The following UNC5D variants were observed in gnomAD, a reference collection of about 807,000 sequenced individuals.
UNC5D encodes the protein unc-5 netrin receptor D, also known as netrin receptor UNC5D.
In UNC5D, 39 loss-of-function variants were observed where a neutral mutation model predicts 105.4. The ratio of observed to expected loss-of-function variants is 0.37; its 90% CI spans 0.29 to 0.48. The LOEUF is 0.48. Among genes scored for constraint, UNC5D ranks in the 20% least tolerant of loss-of-function variants. The pLI is 0.98. For synonymous variants in UNC5D, 452 were observed against 450.4 expected, an observed-to-expected ratio of 1.00 and a Z score of -0.04; for missense variants, 991 against 1,202.4, an observed-to-expected ratio of 0.82 and a Z score of 2.60.
intron 1 of UNC5D, among the ~76,000 whole-genome samples, chr8:35,436,939 T>C (rs1227507260): frequency 6.6e-6 from 1 of 152,116 alleles, no homozygotes; most frequent in Non-Finnish European, 1.5e-5. Context: ...ATATGTTTAA[T>C]AGCAATACTT....
intron 4 of UNC5D, among the ~76,000 whole-genome samples, chr8:35,632,988 C>T (rs999293057): frequency 6.6e-6 from 1 of 152,184 alleles, no homozygotes; most frequent in African/African-American, 2.4e-5. Flanking sequence ...CAGCTCCCTC[C>T]TACAGAAGAG....
intron 14 of UNC5D, among the ~76,000 whole-genome samples, chr8:35,764,340 G>C (rs915039557): frequency 2.6e-5 from 4 of 152,168 alleles, no homozygotes; most frequent in African/African-American, 9.7e-5. Flanking sequence ...TTCAGAGAGA[G>C]ATGGCAGTTG....
At position 35,796,529 on chromosome 8, in the gene UNC5D, C is replaced by A. The variant is rs955712710; in HGVS notation, c.*5966C>A. ...TATCAGTTATTTATGAATAAAGAGTCTTTTATTGACATTTTAGGATACTAC... is the reference window on the plus strand; with the variant it reads ...TATCAGTTATTTATGAATAAAGAGTATTTTATTGACATTTTAGGATACTAC... On this transcript the variant is annotated 3_prime_UTR_variant, in exon 17 of 17. Coordinates refer to ENST00000404895, the MANE Select transcript of UNC5D (RefSeq NM_080872.4). 6.7e-6 allele frequency: 1 copy of A among 149,986 alleles called. No homozygotes were observed. Among genetic ancestry groups the A allele is most frequent in the Non-Finnish European group, 1.5e-5 (1 of 67,766 alleles). The allele number at this position is 149,986 out of a possible 1,614,324, so 9.3% of individuals were successfully genotyped here.
At chr8:35,545,897 T>C (rs1440111849) in intron 1 of UNC5D, among the ~76,000 whole-genome samples, 1 of 152,034 alleles carries the variant, frequency 6.6e-6, no homozygotes, top group African/African-American at 2.4e-5. Context: ...CTTTTTTCTT[T>C]ATTTATTTTT....
intron 1 of UNC5D, among the ~76,000 whole-genome samples, chr8:35,355,434 C>G (rs117071011): frequency 0.022 from 3,343 of 152,154 alleles, 49 homozygotes; most frequent in Non-Finnish European, 0.035. Flanking sequence ...TCTTCATTTT[C>G]CCCCTAGCAG....
intron 4 of UNC5D, among the ~76,000 whole-genome samples, chr8:35,610,495 CTG>C (rs1250880892): frequency 2.6e-5 from 4 of 152,232 alleles, no homozygotes; most frequent in Admixed American, 2.6e-4. Flanking sequence ...AGCACTGAGA[CTG>C]TGGAATTTTT....
In UNC5D at chr8:35,458,442, AG is replaced by A. The variant is rs1489538816; in HGVS notation, c.104-90849del. Reference sequence around the variant, plus strand: ...AGTGCTCCCATTTCCTGAGGCCACTAGCACTGACTTGTTGGCCATGAGATTC... The same window carrying A: ...AGTGCTCCCATTTCCTGAGGCCACTACACTGACTTGTTGGCCATGAGATTC... On this transcript the variant is annotated intron_variant, in intron 1 of 16. Transcript: ENST00000404895. Among the ~76,000 whole-genome samples, 8 of 152,156 alleles carry A rather than the reference AG, an allele frequency of 5.3e-5. No homozygotes were observed. In the East Asian group the frequency reaches 1.4e-3, roughly 26 times the overall value.
intron 1 of UNC5D, among the ~76,000 whole-genome samples, chr8:35,239,853 G>A (rs1352290320): frequency 6.6e-6 from 1 of 152,072 alleles, no homozygotes; most frequent in African/African-American, 2.4e-5. Flanking sequence ...ATTCTATGTA[G>A]AGACACTTAT....
At chr8:35,330,676 A>C (rs1225907742) in intron 1 of UNC5D, among the ~76,000 whole-genome samples, 1 of 152,188 alleles carries the variant, frequency 6.6e-6, no homozygotes. Flanking sequence ...GGAAATCTGA[A>C]ATATACATAA....
intron 1 of UNC5D, among the ~76,000 whole-genome samples, chr8:35,367,983 G>A (rs72633596): frequency 1.3e-5 from 2 of 151,966 alleles, no homozygotes; most frequent in African/African-American, 4.8e-5. Context: ...CAGGTTTCTT[G>A]TAAAGTATGC....
intron 14 of UNC5D, among the ~76,000 whole-genome samples, chr8:35,765,385 C>G (rs891519678): frequency 1.3e-5 from 2 of 152,212 alleles, no homozygotes; most frequent in African/African-American, 2.4e-5. Context: ...CAGATGGTTT[C>G]CTGCCTATAG....
chr8:35,641,366 C>CAAAA (rs377021599), intron 4 of UNC5D, among the ~76,000 whole-genome samples: 13 of 44,284 alleles, frequency 2.9e-4, no homozygotes, highest in Non-Finnish European at 4.2e-4. Flanking sequence ...AAAAATAAAG[C>CAAAA]AAAAAAAAAA....
In UNC5D at chr8:35,568,250, A is replaced by C. The variant is rs201456969; in HGVS notation, c.466+9A>C. 3 of 1,612,958 alleles carry C rather than the reference A, an allele frequency of 1.9e-6. No individual in the cohort carries two copies. On this transcript the variant is annotated intron_variant, in intron 3 of 16. Coordinates refer to ENST00000404895, the MANE Select transcript of UNC5D (RefSeq NM_080872.4). ...CTCTGTGCGCATAGCCTGTAAGTAC[A>C]TTCTGGGTGACCTTGTCTTGTAGGA... is the stretch of plus-strand genomic sequence containing the variant.
At chr8:35,430,430 A>G (rs527474938) in intron 1 of UNC5D, among the ~76,000 whole-genome samples, 1 of 152,236 alleles carries the variant, frequency 6.6e-6, no homozygotes, top group African/African-American at 2.4e-5. Context: ...GGTAAACATA[A>G]GTGTTTCTGT....
chr8:35,482,443 C>A (rs1810542435), intron 1 of UNC5D, among the ~76,000 whole-genome samples: 1 of 152,174 alleles, frequency 6.6e-6, no homozygotes, highest in Non-Finnish European at 1.5e-5. Context: ...CCTTCCTCTG[C>A]TCTGCCAGCT....
chr8:35,602,488 G>A (rs1184038895), intron 4 of UNC5D, among the ~76,000 whole-genome samples: 1 of 152,156 alleles, frequency 6.6e-6, no homozygotes, highest in Non-Finnish European at 1.5e-5. Flanking sequence ...CCTGTTATTG[G>A]TCTATTCAGA....
chr8:35,646,973 A>G (rs996363212), intron 4 of UNC5D, among the ~76,000 whole-genome samples: 8 of 152,120 alleles, frequency 5.3e-5, no homozygotes, highest in African/African-American at 1.7e-4. Flanking sequence ...AAGGTAACAC[A>G]TTTGTTAACC....
At chr8:35,513,395 A>AT (rs1812897777) in intron 1 of UNC5D, among the ~76,000 whole-genome samples, 3 of 151,500 alleles carry the variant, frequency 2.0e-5, no homozygotes, top group Non-Finnish European at 4.4e-5. Flanking sequence ...TGCCTGGCTG[A>AT]TTTTTTTGCA....
At chr8:35,243,426 T>C (rs1230192079) in intron 1 of UNC5D, among the ~76,000 whole-genome samples, 2 of 152,098 alleles carry the variant, frequency 1.3e-5, no homozygotes, top group Non-Finnish European at 2.9e-5. Flanking sequence ...CTAATTGGGG[T>C]CTTATATCTG....
Sources: gnomAD v4.1 joint callset for allele counts (sites outside exome capture counted in the v4.1 genomes callset) on GRCh38, gnomAD v4.1.1 for gene constraint, MANE v1.5 for transcripts, NCBI Gene and HGNC (gene_info 2026-07-23, HGNC 2026-07-21) for gene names.